Variants in EIF3B observed in about 807,000 individuals in gnomAD.
EIF3B encodes eukaryotic translation initiation factor 3 subunit 9.
In EIF3B, 10 loss-of-function variants were observed where a neutral mutation model predicts 104.6. The observed-to-expected ratio is 0.10, with a 90% CI of 0.06 to 0.16. The LOEUF is 0.16. Ranked by LOEUF, EIF3B falls within the 10% of genes least tolerant of loss-of-function variation. EIF3B has a pLI of 1.00. For synonymous variants in EIF3B, 542 were observed against 417.2 expected, an observed-to-expected ratio of 1.30 and a Z score of -3.65; for missense variants, 1,014 against 1,087.9, an observed-to-expected ratio of 0.93 and a Z score of 0.96.
At chr7:2,359,874 T>C (rs1405163090) in intron 1 of EIF3B, among the ~76,000 whole-genome samples, 1 of 152,212 alleles carries the variant, frequency 6.6e-6, no homozygotes, top group African/African-American at 2.4e-5. Flanking sequence ...GTGTCAGGCG[T>C]TGTGTTGAGT....
Position 2,378,778 on chromosome 7 carries a change from TC to T in EIF3B, c.2232+15del, listed in dbSNP as rs750377717. 3.5e-5 allele frequency: 56 copies of T among 1,611,640 alleles called. No homozygotes were observed. The South Asian group carries it at 5.9e-4, about 17-fold the overall frequency. Reference sequence around the variant, plus strand: ...CCAAAGCCTCAAAGGTGAGCCTCATTCCCAAAATGAGGGCTGTGCTGTGACA... The same window carrying T: ...CCAAAGCCTCAAAGGTGAGCCTCATTCCAAAATGAGGGCTGTGCTGTGACA... On this transcript the variant is annotated intron_variant, in intron 16 of 18. Transcript: ENST00000360876.
At chr7:2,374,038 C>T (rs932733664) in intron 12 of EIF3B, 3 of 153,052 alleles carry the variant, frequency 2.0e-5, no homozygotes, top group African/African-American at 7.2e-5. Context: ...GAGCCAGCCC[C>T]AGCTGGCCTT....
At position 2,375,313 on chromosome 7, in the gene EIF3B, C is replaced by T. The variant is rs529074298; in HGVS notation, c.1890-76C>T. ...GGCTGGCTCCCTGGGGACCCCATGC[C>T]GCAGCACCTCTCAGGAGTGGGATGC... On this transcript the variant is annotated intron_variant, in intron 13 of 18. Transcript: ENST00000360876. 1.0e-3 allele frequency: 1,593 copies of T among 1,590,028 alleles called. 35 individuals carry two copies. The South Asian group carries it at 0.016, about 16-fold the overall frequency.
At chr7:2,369,247 A>AT (rs1780191094) in intron 9 of EIF3B, among the ~76,000 whole-genome samples, 1 of 152,188 alleles carries the variant, frequency 6.6e-6, no homozygotes. Context: ...TTCTGTCTGC[A>AT]TTCACTCCTT....
At position 2,380,514 on chromosome 7, in the gene EIF3B, G is replaced by C; in HGVS notation, c.*325G>C. The C allele has an allele frequency of 4.4e-6, 2 of 450,942 alleles. No homozygotes were observed. The highest frequency in any genetic ancestry group is 3.3e-5 in the South Asian group (2 of 60,544). The allele number at this position is 450,942 out of a possible 1,614,324, so 27.9% of individuals were successfully genotyped here. A position where few individuals can be genotyped will look rare whatever the true frequency, so the allele number is the denominator to read the frequency against. On this transcript the variant is annotated 3_prime_UTR_variant, in exon 19 of 19. Coordinates refer to ENST00000360876, the MANE Select transcript of EIF3B (RefSeq NM_001037283.2). ...CGCCGGCGTTGGCTCCGAAGACTTAGCGACGCCACTGGCGGCACCTTCTCC... is the reference window on the plus strand; with the variant it reads ...CGCCGGCGTTGGCTCCGAAGACTTACCGACGCCACTGGCGGCACCTTCTCC...
chr7:2,361,471 G>T (rs2115289179), intron 2 of EIF3B, among the ~76,000 whole-genome samples: 1 of 152,238 alleles, frequency 6.6e-6, no homozygotes, highest in South Asian at 2.1e-4. Context: ...CCAGGCTGGA[G>T]TGCAGTGTCG....
At position 2,362,609 on chromosome 7, in the gene EIF3B, A is replaced by G. The variant is rs773506091; in HGVS notation, c.693-36A>G. 8 of 1,613,336 alleles carry G rather than the reference A, an allele frequency of 5.0e-6. No individual in the cohort carries two copies. The Admixed American group carries it at 1.0e-4, about 20-fold the overall frequency. On this transcript the variant is annotated intron_variant, in intron 2 of 18. Coordinates refer to ENST00000360876, the MANE Select transcript of EIF3B (RefSeq NM_001037283.2). ...ACAGCGCATACCTGCCTAGCCTTACAGTGTGGGTATGTGCCAACGGCCCTC... is the reference window on the plus strand; with the variant it reads ...ACAGCGCATACCTGCCTAGCCTTACGGTGTGGGTATGTGCCAACGGCCCTC...
intron 11 of EIF3B, 62 bp downstream of exon 11, chr7:2,371,911 T>G (rs1456631258): frequency 1.5e-6 from 2 of 1,332,502 alleles, no homozygotes; most frequent in African/African-American, 2.9e-5. Flanking sequence ...ACTCTTGGCT[T>G]TAACACTTCC....
intron 1 of EIF3B, among the ~76,000 whole-genome samples, chr7:2,357,740 A>C (rs956980066): frequency 4.6e-5 from 7 of 152,178 alleles, no homozygotes; most frequent in Admixed American, 4.6e-4. Flanking sequence ...GCTTGGGCTG[A>C]GAGTGATCAA....
chr7:2,376,192 T>A (rs1780621122), intron 14 of EIF3B: 1 of 152,876 alleles, frequency 6.5e-6, no homozygotes, highest in Middle Eastern at 3.4e-3. Context: ...GGGGCCTGCC[T>A]TGACACTTGA....
Position 2,379,175 on chromosome 7 carries a change from G to C in EIF3B, c.2274G>C (p.Arg758=), listed in dbSNP as rs555971142. The C allele has an allele frequency of 1.9e-6, 3 of 1,614,058 alleles. No homozygotes were observed. The highest frequency in any genetic ancestry group is 2.7e-5 in the African/African-American group (2 of 75,048). The change falls in exon 17 of 19, where the codon CGG becomes CGC. Residue 758 remains arginine, a synonymous_variant. Transcript: ENST00000360876. ...ERRRTMMEDF[R]KYRKMAQELY... is the part of the protein sequence containing the mutation. The stretch of plus-strand genomic sequence containing the variant: ...GGCGCACCATGATGGAAGATTTCCG[G>C]AAGTACCGGAAAATGGCCCAGGAGC...
intron 12 of EIF3B, 166 bp from the exon 13 acceptor site, chr7:2,374,362 A>AG (rs1269816578): frequency 6.7e-6 from 4 of 599,688 alleles, no homozygotes; most frequent in African/African-American, 5.5e-5. Context: ...ATCATGACTT[A>AG]GGGGGTACTT....
intron 9 of EIF3B, among the ~76,000 whole-genome samples, chr7:2,368,512 A>G (rs1035685437): frequency 2.0e-5 from 3 of 152,242 alleles, no homozygotes; most frequent in Non-Finnish European, 4.4e-5. Flanking sequence ...AAGGCTGCTC[A>G]GCATTGGGCC....
intron 12 of EIF3B, chr7:2,373,905 C>T (rs899953418): frequency 4.6e-5 from 7 of 152,178 alleles, no homozygotes; most frequent in African/African-American, 1.7e-4. Flanking sequence ...CATCTCCTCC[C>T]CTCCTCCCCA....
chr7:2,373,540 T>G (rs1446929772), intron 12 of EIF3B: 1 of 152,192 alleles, frequency 6.6e-6, no homozygotes, highest in Non-Finnish European at 1.5e-5. Flanking sequence ...GCCGCACCTT[T>G]CGCAGCATGA....
At chr7:2,376,821 C>G (rs1226620615) in intron 14 of EIF3B, 129 bp from the exon 15 acceptor site, 2 of 1,381,478 alleles carry the variant, frequency 1.4e-6, no homozygotes, top group Non-Finnish European at 1.9e-6. Flanking sequence ...GCTGTCAGCT[C>G]AGCACAGGCA....
chr7:2,357,291 T>C (rs1583146876), intron 1 of EIF3B, among the ~76,000 whole-genome samples: 1 of 152,234 alleles, frequency 6.6e-6, no homozygotes, highest in South Asian at 2.1e-4. Flanking sequence ...GCCCTGAAGG[T>C]GCAGTGTTGG....
intron 6 of EIF3B, 25 bp downstream of exon 6, chr7:2,364,554 G>A (rs762224175): frequency 2.5e-6 from 4 of 1,600,668 alleles, no homozygotes; most frequent in African/African-American, 2.7e-5. Context: ...AAACACAGGG[G>A]AGTCTATGCA....
chr7:2,355,574 C>T (rs1369882886), intron 1 of EIF3B, among the ~76,000 whole-genome samples, 154 bp downstream of exon 1: 1 of 152,136 alleles, frequency 6.6e-6, no homozygotes. Flanking sequence ...GAGGGGTTCC[C>T]GAGTGCCCTG....
Sources: gnomAD v4.1 joint callset for allele counts (sites outside exome capture counted in the v4.1 genomes callset) on GRCh38, gnomAD v4.1.1 for gene constraint, MANE v1.5 for transcripts, NCBI Gene and HGNC (gene_info 2026-07-23, HGNC 2026-07-21) for gene names.